The following GLUD1 variants were observed in gnomAD, a reference collection of about 807,000 sequenced individuals.
The protein encoded by GLUD1 is glutamate dehydrogenase 1.
In GLUD1, 22 loss-of-function variants were observed where a neutral mutation model predicts 56.0. The ratio of observed to expected loss-of-function variants is 0.39; its 90% CI spans 0.28 to 0.56. The LOEUF (loss-of-function observed/expected upper bound fraction) is 0.56, where lower values mean the gene tolerates loss of function less well. Ranked by LOEUF, GLUD1 falls within the 20% of genes least tolerant of loss-of-function variation. GLUD1 has a pLI of 0.58. For missense variants in GLUD1, 451 were observed against 732.0 expected, an observed-to-expected ratio of 0.62 and a Z score of 4.43; for synonymous variants, 223 against 269.9, an observed-to-expected ratio of 0.83 and a Z score of 1.70.
intron 4 of GLUD1, among the ~76,000 whole-genome samples, chr10:87,073,170 T>A (rs1233512826): frequency 6.6e-6 from 1 of 152,226 alleles, no homozygotes; most frequent in Non-Finnish European, 1.5e-5. Flanking sequence ...CTTCTTGAGA[T>A]GTGGTCTCGT....
At chr10:87,087,909 T>C (rs897355315) in intron 1 of GLUD1, among the ~76,000 whole-genome samples, 9 of 152,234 alleles carry the variant, frequency 5.9e-5, no homozygotes, top group Admixed American at 2.0e-4. Flanking sequence ...GGCAAAACCC[T>C]GTCTCTACTA....
chr10:87,083,210 CA>C (rs1442533517), intron 1 of GLUD1, among the ~76,000 whole-genome samples: 2 of 111,496 alleles, frequency 1.8e-5, no homozygotes, highest in Non-Finnish European at 3.6e-5. Context: ...GAGACTGTCT[CA>C]AAAAAATTAA....
rs867787741 is a variant in GLUD1 at position 87,062,745 on chromosome 10, G to A, written c.832C>T (p.His278Tyr). Reference sequence around the variant, plus strand: ...TCATTGATGAAATTTTCAATCCCATGGAAGACACCACGGCCAGTAGCAGAG... The same window carrying A: ...TCATTGATGAAATTTTCAATCCCATAGAAGACACCACGGCCAGTAGCAGAG... ...RISATGRGVF[H>Y]GIENFINEAS... The change falls in exon 6 of 13, where the codon CAT becomes TAT. Residue 278 changes from histidine (H) to tyrosine (Y), a missense_variant. By Grantham distance (83) the His-to-Tyr change is moderately conservative. This residue lies in a region of GLUD1 where 248 missense variants were observed against 460.0 expected (regional missense o/e 0.54). Transcript: ENST00000277865. The A allele has an allele frequency of 6.2e-6, 10 of 1,614,066 alleles. No individual in the cohort carries two copies. The highest frequency in any genetic ancestry group is 7.6e-6 in the Non-Finnish European group (9 of 1,179,970).
chr10:87,077,615 T>C (rs1161032466), intron 1 of GLUD1, among the ~76,000 whole-genome samples: 1 of 150,650 alleles, frequency 6.6e-6, no homozygotes, highest in Non-Finnish European at 1.5e-5. Context: ...ATACTGGAAG[T>C]GGGGATGCCC....
At chr10:87,078,768 G>A (rs758812923) in intron 1 of GLUD1, among the ~76,000 whole-genome samples, 1 of 152,158 alleles carries the variant, frequency 6.6e-6, no homozygotes, top group Non-Finnish European at 1.5e-5. Context: ...GATGGTCAAA[G>A]GGTACAAAGC....
intron 2 of GLUD1, 114 bp downstream of exon 2, chr10:87,076,462 T>C (rs1365451564): frequency 1.3e-6 from 1 of 769,404 alleles, no homozygotes; most frequent in African/African-American, 1.7e-5. Flanking sequence ...AGATTACAAC[T>C]TGAAAAAAAA....
Position 87,094,678 on chromosome 10 carries a change from C to T in GLUD1, c.92G>A (p.Gly31Asp). ...GGCGGCGGGCTGTCCCCGGGCCCAG[C>T]CCAGCAACGCGGCCGAGTCGGCGGA... is the stretch of plus-strand genomic sequence containing the variant. ...SASADSAALL[G>D]WARGQPAAAP... Residue 31 changes from glycine (G) to aspartate (D), a missense_variant, in exon 1 of 13, where the codon GGC (glycine) becomes GAC (aspartate). Transcript: ENST00000277865. The surrounding 1 kb of genome is among the most constrained non-coding windows in gnomAD (Gnocchi z 6.6). The T allele has an allele frequency of 6.6e-7, 1 of 1,515,660 alleles. No homozygotes were observed. 93.9% of individuals were successfully genotyped at this position (1,515,660 alleles called of 1,614,324 possible).
At chr10:87,093,137 A>G (rs1045212208) in intron 1 of GLUD1, among the ~76,000 whole-genome samples, 9 of 152,342 alleles carry the variant, frequency 5.9e-5, no homozygotes, top group African/African-American at 7.2e-5. Context: ...TGGGAACACC[A>G]GCACCGCTCA....
intron 1 of GLUD1, among the ~76,000 whole-genome samples, chr10:87,087,860 C>T (rs963098060): frequency 2.6e-5 from 4 of 152,120 alleles, no homozygotes; most frequent in Non-Finnish European, 5.9e-5. Flanking sequence ...GTGGGCTGAT[C>T]ACATGAGGTC....
In GLUD1 at chr10:87,068,843, A is replaced by G. The variant is rs569305327; in HGVS notation, c.647-686T>C. Among the ~76,000 whole-genome samples, 6 of 152,068 alleles carry G rather than the reference A, an allele frequency of 3.9e-5. No homozygotes were observed. The South Asian group carries it at 1.2e-3, about 32-fold the overall frequency. Reference sequence around the variant, plus strand: ...GGAATCACTGACTATACTACTACTGACGGCTACAGTAAGATCTCTGATAAA... The same window carrying G: ...GGAATCACTGACTATACTACTACTGGCGGCTACAGTAAGATCTCTGATAAA... On this transcript the variant is annotated intron_variant, in intron 4 of 12. Transcript: ENST00000277865.
chr10:87,091,097 ATT>A (rs1469261254), intron 1 of GLUD1, among the ~76,000 whole-genome samples: 1 of 152,172 alleles, frequency 6.6e-6, no homozygotes, highest in Non-Finnish European at 1.5e-5. Flanking sequence ...GGGTACTAAT[ATT>A]TGTAATTAAA....
intron 4 of GLUD1, among the ~76,000 whole-genome samples, chr10:87,069,240 A>G (rs1252831185): frequency 6.6e-6 from 1 of 152,118 alleles, no homozygotes; most frequent in Non-Finnish European, 1.5e-5. Flanking sequence ...TATTAGGCTG[A>G]GCACAGTGGC....
intron 1 of GLUD1, chr10:87,093,958 A>C (rs781461811): frequency 8.8e-5 from 122 of 1,385,028 alleles, no homozygotes; most frequent in Non-Finnish European, 1.1e-4. Context: ...CTGACGAGGC[A>C]TTATCACACG....
chr10:87,094,270 G>A lies in GLUD1; in HGVS notation c.445+55C>T, dbSNP rs1443253437. On this transcript the variant is annotated intron_variant, in intron 1 of 12. Transcript: ENST00000277865. This position sits in a 1 kb window ranked among gnomAD's most constrained non-coding sequence, Gnocchi z 6.6. ...GGCCCCGCACCGGCAGGAGGCCGGA[G>A]GGGAGGGCCGCAGGGGAGGCAGGGA... is the stretch of plus-strand genomic sequence containing the variant. The A allele has an allele frequency of 6.5e-7, 1 of 1,545,618 alleles. No homozygotes were observed. The highest frequency in any genetic ancestry group is 8.7e-7 in the Non-Finnish European group (1 of 1,143,100).
At chr10:87,054,894 C>T (rs970048748) in intron 11 of GLUD1, among the ~76,000 whole-genome samples, 1 of 152,064 alleles carries the variant, frequency 6.6e-6, no homozygotes, top group Non-Finnish European at 1.5e-5. Context: ...CTGATCTATT[C>T]GAAGAGAGAT....
chr10:87,066,988 T>C (rs1049438228), intron 5 of GLUD1, among the ~76,000 whole-genome samples: 3 of 152,156 alleles, frequency 2.0e-5, no homozygotes, highest in African/African-American at 7.2e-5. Context: ...ATATATCCAA[T>C]CCAGTTTTGC....
intron 4 of GLUD1, among the ~76,000 whole-genome samples, chr10:87,069,536 T>TA (rs77032255): frequency 3.4e-5 from 5 of 146,036 alleles, no homozygotes; most frequent in African/African-American, 1.3e-4. Context: ...AAAAAAAAGT[T>TA]AAACTATTAA....
chr10:87,063,338 G>T (rs570247800), intron 5 of GLUD1, among the ~76,000 whole-genome samples: 1 of 152,274 alleles, frequency 6.6e-6, no homozygotes, highest in Admixed American at 6.5e-5. Context: ...CTCCCAAAGT[G>T]CTAGAATTAC....
intron 5 of GLUD1, among the ~76,000 whole-genome samples, chr10:87,065,359 C>T (rs910788057): frequency 2.0e-5 from 3 of 151,840 alleles, no homozygotes; most frequent in East Asian, 1.9e-4. Flanking sequence ...CACCTGCTTC[C>T]GCCTCCCAAA....
Sources: allele counts gnomAD v4.1 joint callset (sites outside exome capture counted in the v4.1 genomes callset), GRCh38; gene constraint gnomAD v4.1.1; regional missense constraint gnomAD v4.1.1; non-coding constraint Gnocchi (gnomAD v3.1); transcripts MANE v1.5; gene names NCBI Gene and HGNC (gene_info 2026-07-23, HGNC 2026-07-21).